SYNJ2: variants seen among roughly 807,000 people sequenced by gnomAD.
SYNJ2 encodes synaptojanin 2, also known as polyphosphatidylinositol phosphatase SYNJ2.
In SYNJ2, 116 loss-of-function variants were observed where a neutral mutation model predicts 141.3. The observed-to-expected ratio is 0.82, with a 90% CI of 0.71 to 0.96. SYNJ2 has a LOEUF of 0.96. SYNJ2 is among the 40% of genes least tolerant of loss of function. The pLI is 0.00. For synonymous variants in SYNJ2, 745 were observed against 777.7 expected, an observed-to-expected ratio of 0.96 and a Z score of 0.70; for missense variants, 1,873 against 1,934.8, an observed-to-expected ratio of 0.97 and a Z score of 0.60.
At chr6:158,068,543 G>A in intron 12 of SYNJ2, 104 bp from the exon 13 acceptor site, 2 of 1,259,550 alleles carry the variant, frequency 1.6e-6, no homozygotes, top group Non-Finnish European at 2.3e-6. Context: ...TTGGACTCAG[G>A]CAGTGGACAG....
intron 2 of SYNJ2, among the ~76,000 whole-genome samples, chr6:158,020,403 C>CGTGTGACCCCACCT (rs57837454): frequency 0.51 from 74,781 of 146,736 alleles, 19,300 homozygotes; most frequent in African/African-American, 0.6. Flanking sequence ...TGACTTCAAC[C>CGTGTGACCCCACCT]GTGTGACCCC....
rs1252229210 is a variant in SYNJ2 at position 158,099,139 on chromosome 6, T to C, written c.*2775T>C. ...GAAGTGAAAATTTGTACTGAAATTG[T>C]ACATGATACCTATTAAATGTTTTTG... is the stretch of plus-strand genomic sequence containing the variant. On this transcript the variant is annotated 3_prime_UTR_variant, in exon 27 of 27. Coordinates refer to ENST00000355585, the MANE Select transcript of SYNJ2 (RefSeq NM_003898.4). The C allele has an allele frequency of 1.3e-5, 2 of 152,210 alleles. No homozygotes were observed. Among genetic ancestry groups the C allele is most frequent in the Non-Finnish European group, 2.9e-5 (2 of 68,036 alleles). The allele number at this position is 152,210 out of a possible 1,614,324, so 9.4% of individuals were successfully genotyped here.
intron 12 of SYNJ2, 70 bp from the exon 13 acceptor site, chr6:158,068,577 G>C: frequency 6.4e-7 from 1 of 1,560,210 alleles, no homozygotes; most frequent in South Asian, 1.1e-5. Flanking sequence ...AGGGCACTGG[G>C]GAGCCCCATG....
At chr6:158,069,766 T>G in intron 14 of SYNJ2, 93 bp downstream of exon 14, 1 of 1,410,994 alleles carries the variant, frequency 7.1e-7, no homozygotes, top group South Asian at 1.7e-5. Flanking sequence ...CCCATCCCCT[T>G]CTGTAACAGG....
rs780636157 is a variant in SYNJ2 at position 158,068,747 on chromosome 6, G to A, written c.1799+19G>A. The A allele has an allele frequency of 2.4e-5, 38 of 1,613,480 alleles. No individual in the cohort carries two copies. In the South Asian group the frequency reaches 3.2e-4, roughly 14 times the overall value. On this transcript the variant is annotated intron_variant, in intron 13 of 26. Coordinates refer to ENST00000355585, the MANE Select transcript of SYNJ2 (RefSeq NM_003898.4). The stretch of plus-strand genomic sequence containing the variant: ...ATGCCAGGTAAGGGGCCAGGTGTGC[G>A]GGGCCAGGCAGGGACTTCCTGAGTC...
chr6:158,033,354 G>A (rs1779470234), intron 3 of SYNJ2, 101 bp from the exon 4 acceptor site: 1 of 1,294,294 alleles, frequency 7.7e-7, no homozygotes, highest in Non-Finnish European at 1.1e-6. Context: ...CCGAAATGCT[G>A]CACCGTGCGC....
rs1331764198 is a variant in SYNJ2, at chr6:158,054,148, TCTATCCATCCACTCAG to T, written c.796-807_796-792del. Among the ~76,000 whole-genome samples the T allele has an allele frequency of 2.0e-5, 3 of 147,198 alleles. No individual in the cohort carries two copies. In the East Asian group the frequency reaches 6.2e-4, roughly 30 times the overall value. ...ACCCACCCACCTACCCATCCACCCA[TCTATCCATCCACTCAG>T]CTATCCATCCATCCATCCATCCATC... On this transcript the variant is annotated intron_variant, in intron 5 of 26. Transcript: ENST00000355585.
intron 4 of SYNJ2, among the ~76,000 whole-genome samples, chr6:158,042,235 C>T (rs1016382189): frequency 6.6e-6 from 1 of 152,258 alleles, no homozygotes; most frequent in African/African-American, 2.4e-5. Flanking sequence ...AAACAGACAG[C>T]ATGTTCTTAA....
At chr6:158,008,631 G>T (rs566332993) in intron 1 of SYNJ2, among the ~76,000 whole-genome samples, 1 of 152,202 alleles carries the variant, frequency 6.6e-6, no homozygotes. Flanking sequence ...GAAGGTACAA[G>T]GGTTTATTAT....
chr6:158,047,744 T>C (rs1006074091), intron 5 of SYNJ2, among the ~76,000 whole-genome samples: 1 of 112,026 alleles, frequency 8.9e-6, no homozygotes, highest in Non-Finnish European at 1.6e-5. Context: ...GCCACCACAC[T>C]CTAGCCTGGT....
chr6:157,984,593 G>A (rs569288642), intron 1 of SYNJ2, among the ~76,000 whole-genome samples: 5 of 152,220 alleles, frequency 3.3e-5, no homozygotes, highest in East Asian at 3.9e-4. Context: ...TAGTAGAGAC[G>A]GGGTTGTGCC....
intron 1 of SYNJ2, among the ~76,000 whole-genome samples, chr6:157,996,206 C>A (rs1390121727): frequency 1.3e-5 from 2 of 151,952 alleles, no homozygotes; most frequent in African/African-American, 2.4e-5. Context: ...GTAATAAAAG[C>A]CTGTGAGTCA....
intron 1 of SYNJ2, among the ~76,000 whole-genome samples, chr6:157,998,584 A>G (rs900922282): frequency 2.0e-5 from 3 of 152,238 alleles, no homozygotes; most frequent in African/African-American, 7.2e-5. Context: ...ACTAAGTGAG[A>G]GTCCTATGTT....
chr6:158,049,117 A>G (rs1436455047), intron 5 of SYNJ2, among the ~76,000 whole-genome samples: 2 of 152,176 alleles, frequency 1.3e-5, no homozygotes, highest in African/African-American at 4.8e-5. Context: ...TTCCACAGCC[A>G]GGAGTTCTCC....
chr6:158,009,636 A>G (rs1465615362), intron 1 of SYNJ2, among the ~76,000 whole-genome samples: 1 of 152,226 alleles, frequency 6.6e-6, no homozygotes, highest in African/African-American at 2.4e-5. Context: ...AGGAAATGCA[A>G]CTAAAAGCGT....
At chr6:158,034,391 C>G (rs940398795) in intron 4 of SYNJ2, among the ~76,000 whole-genome samples, 5 of 152,228 alleles carry the variant, frequency 3.3e-5, no homozygotes, top group African/African-American at 1.2e-4. Context: ...AAGCTGGGTG[C>G]CCTGTGTTTA....
At chr6:158,082,699 T>C (rs566110588) in intron 20 of SYNJ2, among the ~76,000 whole-genome samples, 2 of 152,182 alleles carry the variant, frequency 1.3e-5, no homozygotes, top group South Asian at 4.1e-4. Flanking sequence ...AGAATGTCAG[T>C]CACTGTGTCT....
chr6:158,015,409 C>T (rs1356220194), intron 1 of SYNJ2, among the ~76,000 whole-genome samples: 1 of 152,162 alleles, frequency 6.6e-6, no homozygotes, highest in Non-Finnish European at 1.5e-5. Context: ...TCTTCTGGGG[C>T]CCAAAGCTCC....
chr6:158,049,994 GGCTCTGCAGGTATGGACACA>G (rs1780477094), intron 5 of SYNJ2, among the ~76,000 whole-genome samples: 2 of 151,606 alleles, frequency 1.3e-5, no homozygotes, highest in South Asian at 4.2e-4. Flanking sequence ...GTGTGCACCC[GGCTCTGCAGGTATGGACACA>G]GCTCTGCAGG....
Sources: gnomAD v4.1 joint callset for allele counts (sites outside exome capture counted in the v4.1 genomes callset) on GRCh38, gnomAD v4.1.1 for gene constraint, MANE v1.5 for transcripts, NCBI Gene and HGNC (gene_info 2026-07-23, HGNC 2026-07-21) for gene names.